Variants in TMEM232 observed in about 807,000 individuals in gnomAD.
TMEM232 encodes transmembrane protein 232.
In TMEM232, 80 loss-of-function variants were observed where a neutral mutation model predicts 78.8. The observed-to-expected ratio is 1.01, with a 90% confidence interval of 0.85 to 1.22. The LOEUF is 1.22. TMEM232 is among the 50% of genes most tolerant of loss of function. TMEM232 has a pLI of 0.00. For synonymous variants in TMEM232, 297 were observed against 254.3 expected (o/e 1.17, Z -1.60); for missense variants, 881 against 742.2 (o/e 1.19, Z -2.17).
At chr5:110,513,915 T>C (rs1768180028) in intron 12 of TMEM232, 1 of 170,284 alleles carries the variant, frequency 5.9e-6, no homozygotes, top group Non-Finnish European at 1.5e-5. Flanking sequence ...ACCAACCTAA[T>C]ATTTTGAGTA....
intron 1 of TMEM232, among the ~76,000 whole-genome samples, chr5:110,698,446 A>T (rs1402966136): frequency 3.5e-5 from 5 of 144,508 alleles, no homozygotes; most frequent in African/African-American, 1.4e-4. Context: ...AATAAAATTA[A>T]AAAAAAATGT....
intron 11 of TMEM232, among the ~76,000 whole-genome samples, chr5:110,545,307 A>G (rs912659589): frequency 6.6e-6 from 1 of 152,040 alleles, no homozygotes; most frequent in Non-Finnish European, 1.5e-5. Context: ...GTGGTAGGAG[A>G]GCTGTGGGGC....
chr5:110,651,295 G>A (rs907886378), intron 2 of TMEM232, among the ~76,000 whole-genome samples: 1 of 152,088 alleles, frequency 6.6e-6, no homozygotes, highest in Admixed American at 6.6e-5. Flanking sequence ...AGAGACTATC[G>A]GGAAAGGTGA....
At chr5:110,508,339 G>T (rs545229863) in intron 12 of TMEM232, among the ~76,000 whole-genome samples, 1 of 151,832 alleles carries the variant, frequency 6.6e-6, no homozygotes, top group Non-Finnish European at 1.5e-5. Flanking sequence ...CATGATTAGT[G>T]TTGGATGTAG....
At chr5:110,520,688 G>A (rs1163019792) in intron 12 of TMEM232, among the ~76,000 whole-genome samples, 1 of 152,160 alleles carries the variant, frequency 6.6e-6, no homozygotes, top group Non-Finnish European at 1.5e-5. Flanking sequence ...GGGAGGCCGA[G>A]GCGGGTGGAT....
intron 12 of TMEM232, among the ~76,000 whole-genome samples, chr5:110,474,580 A>G (rs553155058): frequency 6.6e-6 from 1 of 152,094 alleles, no homozygotes; most frequent in East Asian, 1.9e-4. Flanking sequence ...AAAGGCAAGG[A>G]CATAAAAGGC....
At chr5:110,706,594 T>A (rs1441423640) in intron 1 of TMEM232, among the ~76,000 whole-genome samples, 1 of 152,172 alleles carries the variant, frequency 6.6e-6, no homozygotes. Context: ...TCTGACTGAC[T>A]GAGGGCTTTT....
chr5:110,400,606 C>T (rs768840914), intron 2 of TMEM232, among the ~76,000 whole-genome samples: 3 of 151,784 alleles, frequency 2.0e-5, no homozygotes, highest in Non-Finnish European at 4.4e-5. Context: ...TTTATAAATG[C>T]CTTTATTTCC....
chr5:110,642,163 ATATTCT>A, intron 3 of TMEM232, 91 bp downstream of exon 3: 1 of 683,422 alleles, frequency 1.5e-6, no homozygotes, highest in Non-Finnish European at 2.3e-6. Context: ...AAAGAAAGAT[ATATTCT>A]TATTTTTTCT....
intron 12 of TMEM232, among the ~76,000 whole-genome samples, chr5:110,432,513 C>T (rs948758561): frequency 2.6e-5 from 4 of 151,614 alleles, no homozygotes; most frequent in African/African-American, 9.7e-5. Context: ...AGAACACTTG[C>T]TCCCACAAAA....
intron 2 of TMEM232, among the ~76,000 whole-genome samples, chr5:110,411,903 C>G (rs1193177605): frequency 6.6e-6 from 1 of 151,774 alleles, no homozygotes; most frequent in East Asian, 1.9e-4. Flanking sequence ...ATGGGTGTAC[C>G]CTCTTCTATT....
chr5:110,557,771 A>T (rs1775276648), intron 11 of TMEM232, among the ~76,000 whole-genome samples: 1 of 152,166 alleles, frequency 6.6e-6, no homozygotes, highest in Non-Finnish European at 1.5e-5. Flanking sequence ...TCCATTATCC[A>T]ATCACCTCCC....
chr5:110,457,230 GAATA>G (rs1440541236), intron 12 of TMEM232, among the ~76,000 whole-genome samples: 2 of 152,046 alleles, frequency 1.3e-5, no homozygotes, highest in African/African-American at 4.8e-5. Context: ...GAAGATACCT[GAATA>G]AAGATGTATG....
At chr5:110,647,441 A>C (rs1787649429) in intron 2 of TMEM232, among the ~76,000 whole-genome samples, 1 of 151,978 alleles carries the variant, frequency 6.6e-6, no homozygotes, top group Non-Finnish European at 1.5e-5. Flanking sequence ...ATACCTACGC[A>C]ATGTCCATTA....
chr5:110,544,820 T>C (rs567412627), intron 11 of TMEM232, among the ~76,000 whole-genome samples: 1 of 152,218 alleles, frequency 6.6e-6, no homozygotes, highest in Admixed American at 6.5e-5. Flanking sequence ...GCTACTAAAA[T>C]TATAGTCACT....
intron 10 of TMEM232, among the ~76,000 whole-genome samples, chr5:110,601,495 C>T (rs570213902): frequency 2.1e-4 from 32 of 152,138 alleles, no homozygotes; most frequent in Admixed American, 7.2e-4. Context: ...ACAAGCATTC[C>T]TATACACCAA....
chr5:110,570,333 A>C (rs1206912909), intron 10 of TMEM232, among the ~76,000 whole-genome samples: 1 of 152,014 alleles, frequency 6.6e-6, no homozygotes, highest in Non-Finnish European at 1.5e-5. Context: ...CCCAAATTTA[A>C]GGTTTTGGGG....
chr5:110,603,143 G>A (rs1213904509), intron 10 of TMEM232, among the ~76,000 whole-genome samples: 1 of 152,070 alleles, frequency 6.6e-6, no homozygotes, highest in African/African-American at 2.4e-5. Flanking sequence ...GCCTGTCAGG[G>A]GTTGGGGGCA....
chr5:110,724,083 C>T (rs1797924040), intron 1 of TMEM232, among the ~76,000 whole-genome samples: 2 of 152,206 alleles, frequency 1.3e-5, no homozygotes, highest in South Asian at 4.1e-4. Flanking sequence ...TATCTCACAC[C>T]TTCCTGAAAA....
Sources: gnomAD v4.1 joint callset for allele counts (sites outside exome capture counted in the v4.1 genomes callset) on GRCh38, gnomAD v4.1.1 for gene constraint, MANE v1.5 for transcripts, NCBI Gene and HGNC (gene_info 2026-07-23, HGNC 2026-07-21) for gene names.